The following TRMT10B variants were observed in gnomAD, a reference collection of about 807,000 sequenced individuals.
TRMT10B encodes tRNA methyltransferase 10 homolog B.
In TRMT10B, 33 loss-of-function variants were observed where a neutral mutation model predicts 43.8. That is an observed-to-expected ratio of 0.75 (90% CI 0.57 to 1.01). The LOEUF (loss-of-function observed/expected upper bound fraction) is 1.01, where lower values mean the gene tolerates loss of function less well. Among genes scored for constraint, TRMT10B ranks in the 50% least tolerant of loss-of-function variants. The probability of loss-of-function intolerance (pLI) is 0.00; values close to 1 mark genes in which losing one functional copy is unlikely to be tolerated. For missense variants in TRMT10B, 362 were observed against 369.8 expected (o/e 0.98, Z 0.17); for synonymous variants, 137 against 130.6 (o/e 1.05, Z -0.34).
At chr9:37,754,542 C>T (rs1825401304) in intron 1 of TRMT10B, among the ~76,000 whole-genome samples, 1 of 152,084 alleles carries the variant, frequency 6.6e-6, no homozygotes, top group South Asian at 2.1e-4. Flanking sequence ...TCATCAAATA[C>T]TTAGGATGCT....
intron 2 of TRMT10B, 40 bp from the exon 3 acceptor site, chr9:37,762,537 A>G (rs1474850097): frequency 1.3e-6 from 2 of 1,543,842 alleles, no homozygotes; most frequent in Non-Finnish European, 8.7e-7. Context: ...TTTGGTGCTT[A>G]TGAAGTTCTC....
intron 7 of TRMT10B, among the ~76,000 whole-genome samples, chr9:37,775,349 G>A (rs568195997): frequency 2.6e-5 from 4 of 152,210 alleles, no homozygotes; most frequent in Admixed American, 6.5e-5. Context: ...GAAGTCTTAG[G>A]TAGAAAATCT....
intron 1 of TRMT10B, among the ~76,000 whole-genome samples, chr9:37,757,006 C>CT (rs11412966): frequency 0.33 from 49,177 of 147,232 alleles, 8,044 homozygotes; most frequent in African/African-American, 0.36. Flanking sequence ...TATCTCTTAA[C>CT]TTTTTTTTTT....
upstream of TRMT10B, among the ~76,000 whole-genome samples, chr9:37,753,548 CAG>C (rs373871550): frequency 3.6e-4 from 55 of 152,276 alleles, no homozygotes; most frequent in South Asian, 1.9e-3. Context: ...TGACAACCAA[CAG>C]AGCACCTGTA....
chr9:37,771,512 T>C (rs922523286), intron 7 of TRMT10B, among the ~76,000 whole-genome samples: 3 of 152,206 alleles, frequency 2.0e-5, no homozygotes, highest in Non-Finnish European at 4.4e-5. Context: ...ACACAGATGA[T>C]AGGTTAATTT....
At chr9:37,762,487 ATAAG>A (rs1217975105) in intron 2 of TRMT10B, 86 bp from the exon 3 acceptor site, 2 of 1,483,418 alleles carry the variant, frequency 1.3e-6, no homozygotes, top group Admixed American at 2.6e-5. Flanking sequence ...ATATATATAA[ATAAG>A]AAAAAAGCAA....
chr9:37,764,314 A>G (rs941218338), intron 4 of TRMT10B, among the ~76,000 whole-genome samples: 1 of 132,264 alleles, frequency 7.6e-6, no homozygotes, highest in East Asian at 2.1e-4. Context: ...ACGCCTGACA[A>G]ATTTTTTTTT....
chr9:37,763,846 T>C (rs748259612), intron 4 of TRMT10B, 93 bp downstream of exon 4: 31 of 1,606,620 alleles, frequency 1.9e-5, no homozygotes, highest in Non-Finnish European at 2.5e-5. Flanking sequence ...CTCCAGCTTC[T>C]GGGATTCCTT....
chr9:37,756,808 ATG>A (rs200249595), intron 1 of TRMT10B, among the ~76,000 whole-genome samples: 294 of 143,812 alleles, frequency 2.0e-3, no homozygotes, highest in African/African-American at 6.6e-3. Context: ...ATGTGTATAT[ATG>A]TGTGCATATG....
At chr9:37,764,420 G>C (rs1254029173) in intron 4 of TRMT10B, among the ~76,000 whole-genome samples, 1 of 146,652 alleles carries the variant, frequency 6.8e-6, no homozygotes, top group Non-Finnish European at 1.5e-5. Context: ...CTCCTGGGTT[G>C]ACGCCATTCT....
At chr9:37,772,139 G>C (rs1827661738) in intron 7 of TRMT10B, among the ~76,000 whole-genome samples, 1 of 152,144 alleles carries the variant, frequency 6.6e-6, no homozygotes, top group African/African-American at 2.4e-5. Context: ...AGCCTCCTGG[G>C]TAGCTGAGAC....
At chr9:37,772,926 A>C (rs977381564) in intron 7 of TRMT10B, among the ~76,000 whole-genome samples, 1 of 152,232 alleles carries the variant, frequency 6.6e-6, no homozygotes, top group Non-Finnish European at 1.5e-5. Context: ...TATAAAAAAC[A>C]GTTTGGGGAA....
intron 5 of TRMT10B, 78 bp from the exon 6 acceptor site, chr9:37,769,862 CA>C: frequency 1.7e-6 from 2 of 1,150,350 alleles, no homozygotes; most frequent in Non-Finnish European, 2.6e-6. Context: ...CTTAGCCTCC[CA>C]AAGTTCTGGG....
Position 37,763,620 on chromosome 9 carries a change from C to G in TRMT10B, c.296-9C>G. 1 of 1,609,990 alleles carries G rather than the reference C, an allele frequency of 6.2e-7. No homozygotes were observed. The highest frequency in any genetic ancestry group is 1.1e-5 in the South Asian group (1 of 90,442). On this transcript the variant is annotated splice_polypyrimidine_tract_variant and intron_variant, in intron 3 of 8. Transcript: ENST00000297994. Reference sequence around the variant, plus strand: ...CCACTTTTATTTCTTTCTGATATTTCTGCTTTAGGCATTTGCCCCCAGCAC... The same window carrying G: ...CCACTTTTATTTCTTTCTGATATTTGTGCTTTAGGCATTTGCCCCCAGCAC...
intron 8 of TRMT10B, among the ~76,000 whole-genome samples, chr9:37,776,627 G>A (rs2118940600): frequency 6.6e-6 from 1 of 152,312 alleles, no homozygotes; most frequent in South Asian, 2.1e-4. Context: ...CAGGTGCAGT[G>A]GCTCACACCT....
chr9:37,754,871 C>T lies in TRMT10B; in HGVS notation c.-30+1019C>T, dbSNP rs201960282. Among the ~76,000 whole-genome samples, 5 of 152,312 alleles carry T rather than the reference C, an allele frequency of 3.3e-5. No homozygotes were observed. In the East Asian group the frequency reaches 7.7e-4, roughly 23 times the overall value. ...TACTGTTACAATGGCAATTAAGTTT[C>T]AACCTGAATGTGAGAAGGGGACAAA... is the stretch of plus-strand genomic sequence containing the variant. On this transcript the variant is annotated intron_variant, in intron 1 of 8. Transcript: ENST00000297994.
Position 37,777,616 on chromosome 9 carries a change from C to T in TRMT10B, c.860C>T (p.Ser287Phe), listed in dbSNP as rs199542548. 7 of 1,613,588 alleles carry T rather than the reference C, an allele frequency of 4.3e-6. No individual in the cohort carries two copies. Among genetic ancestry groups the T allele is most frequent in the Non-Finnish European group, 5.9e-6 (7 of 1,179,626 alleles). ...LAINQVFDILSTYLETHNWPE... is the reference protein window; with the variant it reads ...LAINQVFDILFTYLETHNWPE... ...TCTCTAACAGTGTTTGATATCCTGT[C>T]CACTTACTTAGAGACTCACAACTGG... is the stretch of plus-strand genomic sequence containing the variant. The change falls in exon 9 of 9, where the codon TCC becomes TTC. Residue 287 changes from serine to phenylalanine, a missense_variant. Transcript: ENST00000297994.
At chr9:37,755,204 A>G (rs1056178142) in intron 1 of TRMT10B, among the ~76,000 whole-genome samples, 4 of 151,346 alleles carry the variant, frequency 2.6e-5, no homozygotes, top group Admixed American at 2.0e-4. Flanking sequence ...CTGGGAGGCA[A>G]AGCTTGCAGT....
intron 8 of TRMT10B, among the ~76,000 whole-genome samples, 199 bp downstream of exon 8, chr9:37,776,604 T>C (rs144657319): frequency 2.4e-3 from 370 of 152,296 alleles, no homozygotes; most frequent in African/African-American, 7.7e-3. Flanking sequence ...ATAGTTGAAA[T>C]TGTCCCCTTG....
Sources: gnomAD v4.1 joint callset for allele counts (sites outside exome capture counted in the v4.1 genomes callset) on GRCh38, gnomAD v4.1.1 for gene constraint, MANE v1.5 for transcripts, NCBI Gene and HGNC (gene_info 2026-07-23, HGNC 2026-07-21) for gene names.